DCC: variants seen among roughly 807,000 people sequenced by gnomAD.
DCC encodes DCC netrin 1 receptor, also known as netrin receptor DCC.
A neutral mutation model predicts 172.5 loss-of-function variants in DCC; 58 were observed. The observed-to-expected ratio is 0.34, with a 90% CI of 0.27 to 0.42. The LOEUF (loss-of-function observed/expected upper bound fraction) is 0.42, where lower values mean the gene tolerates loss of function less well. Among genes scored for constraint, DCC ranks in the 10% least tolerant of loss-of-function variants. The pLI, the probability that DCC is intolerant of heterozygous loss-of-function variation, is 1.00. For missense variants in DCC, 1,740 were observed against 1,791.0 expected, an observed-to-expected ratio of 0.97 and a Z score of 0.51; for synonymous variants, 709 against 644.5, an observed-to-expected ratio of 1.10 and a Z score of -1.52.
chr18:52,467,318 T>G (rs2144552625), intron 1 of DCC, among the ~76,000 whole-genome samples: 1 of 152,236 alleles, frequency 6.6e-6, no homozygotes, highest in Non-Finnish European at 1.5e-5. Flanking sequence ...GTTCCTGTGT[T>G]AGTTTGCTGA....
intron 5 of DCC, among the ~76,000 whole-genome samples, chr18:53,011,261 T>A (rs919001425): frequency 1.3e-5 from 2 of 151,706 alleles, no homozygotes; most frequent in Non-Finnish European, 3.0e-5. Flanking sequence ...CACAAAAATC[T>A]TTTAAAATAT....
At chr18:52,399,815 C>G (rs1986368313) in intron 1 of DCC, among the ~76,000 whole-genome samples, 2 of 151,916 alleles carry the variant, frequency 1.3e-5, no homozygotes. Flanking sequence ...GAGTGAGAAC[C>G]TGTCTTATTC....
At chr18:53,327,284 T>C (rs1188263837) in intron 14 of DCC, among the ~76,000 whole-genome samples, 1 of 152,158 alleles carries the variant, frequency 6.6e-6, no homozygotes, top group Non-Finnish European at 1.5e-5. Flanking sequence ...AAAATATTTA[T>C]TTTGTGCCTC....
At chr18:53,092,054 A>T (rs1242724541) in intron 7 of DCC, among the ~76,000 whole-genome samples, 2 of 152,102 alleles carry the variant, frequency 1.3e-5, no homozygotes, top group Admixed American at 1.3e-4. Context: ...AATTCTAGGA[A>T]ATTCAATACA....
At chr18:52,717,961 A>G (rs1309435328) in intron 1 of DCC, among the ~76,000 whole-genome samples, 2 of 152,158 alleles carry the variant, frequency 1.3e-5, no homozygotes, top group African/African-American at 4.8e-5. Flanking sequence ...AAGAACAAAA[A>G]ACCAAACGCC....
chr18:52,381,461 A>G (rs1360577415), intron 1 of DCC, among the ~76,000 whole-genome samples: 1 of 152,158 alleles, frequency 6.6e-6, no homozygotes, highest in Non-Finnish European at 1.5e-5. Context: ...TATGAATTCA[A>G]CATCAAAGTA....
chr18:53,311,546 T>C (rs2057269062), intron 13 of DCC, among the ~76,000 whole-genome samples: 1 of 152,244 alleles, frequency 6.6e-6, no homozygotes, highest in Non-Finnish European at 1.5e-5. Context: ...TATGTGCTCC[T>C]TTCACTATGC....
chr18:52,506,930 C>T (rs1471020835), intron 1 of DCC, among the ~76,000 whole-genome samples: 3 of 151,890 alleles, frequency 2.0e-5, no homozygotes, highest in Admixed American at 1.3e-4. Flanking sequence ...TTTAAATAAT[C>T]GTATTTAAAG....
At chr18:52,514,317 GT>G (rs929748160) in intron 1 of DCC, among the ~76,000 whole-genome samples, 2 of 152,004 alleles carry the variant, frequency 1.3e-5, no homozygotes, top group South Asian at 2.1e-4. Flanking sequence ...CTTAGACATG[GT>G]TTTTTTTATT....
intron 5 of DCC, among the ~76,000 whole-genome samples, chr18:52,959,225 G>GC (rs2040799423): frequency 1.3e-5 from 2 of 152,120 alleles, no homozygotes; most frequent in Non-Finnish European, 2.9e-5. Context: ...AGTTTTAAAT[G>GC]AGTTCAGTTG....
At chr18:52,660,400 C>T (rs987273861) in intron 1 of DCC, among the ~76,000 whole-genome samples, 1 of 152,032 alleles carries the variant, frequency 6.6e-6, no homozygotes, top group African/African-American at 2.4e-5. Context: ...CAAACCACCA[C>T]ACAAGAACAT....
intron 9 of DCC, among the ~76,000 whole-genome samples, chr18:53,199,051 C>G (rs2055494308): frequency 6.6e-6 from 1 of 150,644 alleles, no homozygotes; most frequent in African/African-American, 2.4e-5. Flanking sequence ...ACATCTAATT[C>G]CCATTGTTAA....
intron 2 of DCC, among the ~76,000 whole-genome samples, chr18:52,760,261 C>T (rs2037138292): frequency 6.6e-6 from 1 of 152,132 alleles, no homozygotes; most frequent in African/African-American, 2.4e-5. Flanking sequence ...GAAAGCCACT[C>T]ATGAAACCAT....
intron 1 of DCC, among the ~76,000 whole-genome samples, chr18:52,574,529 G>A (rs1211448353): frequency 6.6e-6 from 1 of 152,146 alleles, no homozygotes; most frequent in African/African-American, 2.4e-5. Flanking sequence ...AGAATTAAAT[G>A]TAGAAAACTC....
At chr18:52,710,554 CA>C (rs1422712995) in intron 1 of DCC, among the ~76,000 whole-genome samples, 1 of 152,164 alleles carries the variant, frequency 6.6e-6, no homozygotes, top group Non-Finnish European at 1.5e-5. Flanking sequence ...TCCACCAAAA[CA>C]TGAGGGGAAG....
At chr18:53,286,213 T>A (rs978102081) in intron 12 of DCC, among the ~76,000 whole-genome samples, 1 of 152,064 alleles carries the variant, frequency 6.6e-6, no homozygotes, top group African/African-American at 2.4e-5. Flanking sequence ...ATGGTGTGGT[T>A]TGGCTATGTC....
At chr18:52,403,713 ATG>A (rs1222760474) in intron 1 of DCC, among the ~76,000 whole-genome samples, 6 of 151,798 alleles carry the variant, frequency 4.0e-5, no homozygotes, top group African/African-American at 1.5e-4. Flanking sequence ...TTGTGTGTGT[ATG>A]TGTGTGTGTG....
intron 15 of DCC, among the ~76,000 whole-genome samples, chr18:53,351,334 A>ACTGTATATATATATATACT (rs1491271027): frequency 1.2e-4 from 2 of 17,064 alleles, no homozygotes; most frequent in African/African-American, 3.5e-4. Context: ...ATATATATAC[A>ACTGTATATATATATATACT]GTGTATATAT....
chr18:52,721,932 G>A (rs1243192965), intron 1 of DCC, among the ~76,000 whole-genome samples: 1 of 152,190 alleles, frequency 6.6e-6, no homozygotes, highest in Non-Finnish European at 1.5e-5. Flanking sequence ...GCTGAGGCAG[G>A]AGCATCACTT....
Sources: gnomAD v4.1 joint callset for allele counts (sites outside exome capture counted in the v4.1 genomes callset) on GRCh38, gnomAD v4.1.1 for gene constraint, MANE v1.5 for transcripts, NCBI Gene and HGNC (gene_info 2026-07-23, HGNC 2026-07-21) for gene names.